PARD3B: variants seen among roughly 807,000 people sequenced by gnomAD.
PARD3B encodes par-3 family cell polarity regulator beta, also known as partitioning defective 3 homolog B.
PARD3B carries 103 observed loss-of-function variants against 130.2 expected under a neutral mutation model. That is an observed-to-expected ratio of 0.79 (90% CI 0.67 to 0.93). The LOEUF is 0.93. PARD3B is among the 40% of genes least tolerant of loss of function. The pLI, the probability that PARD3B is intolerant of heterozygous loss-of-function variation, is 0.00. For synonymous variants in PARD3B, 583 were observed against 553.2 expected (o/e 1.05, Z -0.76); for missense variants, 1,609 against 1,499.2 (o/e 1.07, Z -1.21).
intron 4 of PARD3B, among the ~76,000 whole-genome samples, chr2:205,061,531 G>T (rs1248129577): frequency 3.3e-5 from 5 of 152,236 alleles, no homozygotes; most frequent in South Asian, 2.1e-4. Context: ...AGAACACATG[G>T]TAAGCACTAT....
intron 18 of PARD3B, among the ~76,000 whole-genome samples, chr2:205,312,821 A>G (rs1377123336): frequency 6.6e-6 from 1 of 151,798 alleles, no homozygotes; most frequent in Non-Finnish European, 1.5e-5. Context: ...TTTTTTTTCC[A>G]TTATTACTAT....
intron 1 of PARD3B, among the ~76,000 whole-genome samples, chr2:204,594,230 A>C (rs534402462): frequency 6.6e-6 from 1 of 152,296 alleles, no homozygotes; most frequent in South Asian, 2.1e-4. Context: ...TTGCCCTTTC[A>C]CTCATTACTG....
At chr2:205,489,198 CTGTA>C (rs1413153470) in intron 20 of PARD3B, among the ~76,000 whole-genome samples, 6 of 151,628 alleles carry the variant, frequency 4.0e-5, no homozygotes, top group African/African-American at 1.2e-4. Context: ...CACCCACATA[CTGTA>C]TGTTGTTAAT....
chr2:205,137,697 AGGCCCAGAAT>A (rs2032603403), intron 10 of PARD3B, among the ~76,000 whole-genome samples: 1 of 152,206 alleles, frequency 6.6e-6, no homozygotes, highest in Non-Finnish European at 1.5e-5. Context: ...CTGGGCGGGA[AGGCCCAGAAT>A]GGCCTTCCTT....
intron 22 of PARD3B, among the ~76,000 whole-genome samples, chr2:205,610,754 A>G (rs900914357): frequency 6.6e-6 from 1 of 152,158 alleles, no homozygotes; most frequent in Non-Finnish European, 1.5e-5. Flanking sequence ...ACAACCCTTT[A>G]TTCAGCCCAC....
chr2:205,192,362 A>C (rs2036442363), intron 14 of PARD3B, among the ~76,000 whole-genome samples: 1 of 152,224 alleles, frequency 6.6e-6, no homozygotes, highest in Non-Finnish European at 1.5e-5. Context: ...TTAGAATAGC[A>C]ATTATAATGA....
At chr2:205,270,736 C>G (rs981000179) in intron 16 of PARD3B, among the ~76,000 whole-genome samples, 1 of 152,074 alleles carries the variant, frequency 6.6e-6, no homozygotes. Context: ...CTCTGATTCT[C>G]TGGGATTCTT....
At chr2:205,171,004 A>G (rs900314667) in intron 11 of PARD3B, among the ~76,000 whole-genome samples, 34 of 152,186 alleles carry the variant, frequency 2.2e-4, no homozygotes, top group African/African-American at 8.0e-4. Context: ...GCCTGGAACA[A>G]GTTACATTTT....
At chr2:205,120,539 A>G (rs927842868) in intron 7 of PARD3B, among the ~76,000 whole-genome samples, 1 of 152,226 alleles carries the variant, frequency 6.6e-6, no homozygotes, top group Non-Finnish European at 1.5e-5. Flanking sequence ...AAATAAGAAT[A>G]GCTGAAACAA....
At chr2:204,766,615 C>G (rs1418463463) in intron 2 of PARD3B, among the ~76,000 whole-genome samples, 7 of 151,860 alleles carry the variant, frequency 4.6e-5, no homozygotes, top group Non-Finnish European at 1.5e-5. Flanking sequence ...GACAGAATAG[C>G]TAGCATATTG....
intron 2 of PARD3B, among the ~76,000 whole-genome samples, chr2:204,737,072 T>C (rs11887005): frequency 0.1 from 15,894 of 152,186 alleles, 1,286 homozygotes; most frequent in African/African-American, 0.23. Flanking sequence ...TCAGCCTCCC[T>C]AGTAGCTGGA....
At chr2:205,567,135 C>G (rs902356603) in intron 22 of PARD3B, among the ~76,000 whole-genome samples, 1 of 151,888 alleles carries the variant, frequency 6.6e-6, no homozygotes, top group African/African-American at 2.4e-5. Context: ...ATCCAATTTA[C>G]TCTCAAATGG....
chr2:204,819,639 A>T (rs375981540), intron 2 of PARD3B, among the ~76,000 whole-genome samples: 8 of 152,324 alleles, frequency 5.3e-5, no homozygotes, highest in African/African-American at 1.9e-4. Context: ...TTGAAAGCTA[A>T]GATAGGCCCA....
intron 20 of PARD3B, among the ~76,000 whole-genome samples, chr2:205,447,524 T>C (rs2047947130): frequency 1.3e-5 from 2 of 152,194 alleles, no homozygotes; most frequent in South Asian, 2.1e-4. Context: ...ATTACCCATG[T>C]GTACCACCAA....
intron 3 of PARD3B, among the ~76,000 whole-genome samples, chr2:204,977,194 A>AT (rs1692250353): frequency 6.6e-6 from 1 of 152,208 alleles, no homozygotes; most frequent in Non-Finnish European, 1.5e-5. Flanking sequence ...TTAGAGATTC[A>AT]TAGAAGGGTA....
chr2:204,975,390 A>T (rs1333260951), intron 3 of PARD3B, among the ~76,000 whole-genome samples: 1 of 152,184 alleles, frequency 6.6e-6, no homozygotes, highest in Non-Finnish European at 1.5e-5. Flanking sequence ...CCCGGACACG[A>T]TCTGCAAGGA....
At chr2:205,042,104 C>T (rs893256364) in intron 3 of PARD3B, among the ~76,000 whole-genome samples, 18 of 152,140 alleles carry the variant, frequency 1.2e-4, no homozygotes, top group African/African-American at 4.1e-4. Flanking sequence ...CAATTTCACC[C>T]TTTAACTAAT....
At chr2:205,038,457 T>C (rs1322192324) in intron 3 of PARD3B, among the ~76,000 whole-genome samples, 2 of 152,166 alleles carry the variant, frequency 1.3e-5, no homozygotes, top group African/African-American at 2.4e-5. Context: ...TTAAGTAGCA[T>C]GAGCAAATTT....
chr2:204,651,145 A>C (rs2335632), intron 1 of PARD3B, among the ~76,000 whole-genome samples: 122,897 of 152,136 alleles, frequency 0.81, 49,882 homozygotes, highest in Middle Eastern at 0.92. Context: ...AAACACAATC[A>C]TGCCTTCCCA....
Sources: allele counts gnomAD v4.1 joint callset (sites outside exome capture counted in the v4.1 genomes callset), GRCh38; gene constraint gnomAD v4.1.1; transcripts MANE v1.5; gene names NCBI Gene and HGNC (gene_info 2026-07-23, HGNC 2026-07-21).